MAPKAP1: variants seen among roughly 807,000 people sequenced by gnomAD.
MAPKAP1 encodes target of rapamycin complex 2 subunit MAPKAP1.
Under a neutral mutation model 65.7 loss-of-function variants are expected in MAPKAP1, and 20 were observed. The observed-to-expected ratio is 0.30, with a 90% CI of 0.21 to 0.44. MAPKAP1 has a LOEUF of 0.44. Among genes scored for constraint, MAPKAP1 ranks in the 20% least tolerant of loss-of-function variants. The pLI is 1.00. For synonymous variants in MAPKAP1, 222 were observed against 244.3 expected (o/e 0.91, Z 0.85); for missense variants, 423 against 648.0 (o/e 0.65, Z 3.77).
chr9:125,678,277 C>T (rs1195151066), intron 1 of MAPKAP1, among the ~76,000 whole-genome samples: 1 of 151,368 alleles, frequency 6.6e-6, no homozygotes, highest in Admixed American at 6.6e-5. Context: ...CAGAGTCTCG[C>T]TCTGTCACCC....
chr9:125,482,131 TAAA>T (rs1554808939), intron 9 of MAPKAP1, among the ~76,000 whole-genome samples: 3 of 99,112 alleles, frequency 3.0e-5, no homozygotes, highest in Non-Finnish European at 3.8e-5. Flanking sequence ...AAACTCTGTC[TAAA>T]AAAAAAAAAA....
chr9:125,636,631 C>CTGGTAGTATGAATTA, intron 4 of MAPKAP1, among the ~76,000 whole-genome samples: 1 of 152,312 alleles, frequency 6.6e-6, no homozygotes, highest in East Asian at 1.9e-4. Context: ...AGACCATTCA[C>CTGGTAGTATGAATTA]AACTAAAACA....
intron 4 of MAPKAP1, among the ~76,000 whole-genome samples, chr9:125,649,030 T>C (rs1418390580): frequency 6.6e-6 from 1 of 152,188 alleles, no homozygotes; most frequent in Non-Finnish European, 1.5e-5. Context: ...TAGGCTGTCA[T>C]TTGATTTCTC....
chr9:125,493,600 C>T (rs1488248489), intron 8 of MAPKAP1, among the ~76,000 whole-genome samples: 6 of 152,202 alleles, frequency 3.9e-5, no homozygotes, highest in Admixed American at 1.3e-4. Context: ...CTTGTATTTA[C>T]CTTGGCTAAC....
chr9:125,616,293 T>C (rs1011692756), intron 4 of MAPKAP1, among the ~76,000 whole-genome samples: 1 of 152,328 alleles, frequency 6.6e-6, no homozygotes, highest in Admixed American at 6.5e-5. Context: ...AATAACTTTA[T>C]AATCTTGAGG....
intron 3 of MAPKAP1, among the ~76,000 whole-genome samples, chr9:125,661,273 G>A (rs1834177215): frequency 6.6e-6 from 1 of 152,124 alleles, no homozygotes; most frequent in African/African-American, 2.4e-5. Context: ...ACGGAATTCG[G>A]AAGATCAAGG....
Position 125,506,428 on chromosome 9 carries a change from A to C in MAPKAP1, c.959-11T>G. 2 of 1,611,454 alleles carry C rather than the reference A, an allele frequency of 1.2e-6. No homozygotes were observed. Among genetic ancestry groups the C allele is most frequent in the Non-Finnish European group, 1.7e-6 (2 of 1,177,618 alleles). ...GGCGGTACTGAGGGCCTGGAAGATC[A>C]AAGGGGCAGGAGGAGGGGAGGAAGT... On this transcript the variant is annotated splice_polypyrimidine_tract_variant and intron_variant, in intron 7 of 11. Coordinates refer to ENST00000265960, the MANE Select transcript of MAPKAP1 (RefSeq NM_001006617.3).
chr9:125,450,606 A>G (rs191120247), intron 10 of MAPKAP1, among the ~76,000 whole-genome samples: 2 of 152,348 alleles, frequency 1.3e-5, no homozygotes, highest in African/African-American at 2.4e-5. Context: ...TGCCAGTACT[A>G]TAAATAAGGC....
chr9:125,594,855 C>T (rs1048525084), intron 4 of MAPKAP1, among the ~76,000 whole-genome samples: 1 of 152,142 alleles, frequency 6.6e-6, no homozygotes, highest in African/African-American at 2.4e-5. Flanking sequence ...ATGGACCCAC[C>T]GGACCTACCA....
chr9:125,556,785 C>T (rs1830747422), intron 6 of MAPKAP1, among the ~76,000 whole-genome samples: 1 of 152,142 alleles, frequency 6.6e-6, no homozygotes, highest in Admixed American at 6.5e-5. Flanking sequence ...TGTTCTGCAT[C>T]TGTAGGAGAA....
intron 4 of MAPKAP1, chr9:125,652,071 T>C: frequency 8.1e-7 from 1 of 1,230,790 alleles, no homozygotes; most frequent in Non-Finnish European, 1.1e-6. Flanking sequence ...AGGTGCCTTT[T>C]CCACTAAGGG....
intron 5 of MAPKAP1, among the ~76,000 whole-genome samples, chr9:125,581,692 T>G (rs1468025376): frequency 6.6e-6 from 1 of 152,230 alleles, no homozygotes; most frequent in Non-Finnish European, 1.5e-5. Context: ...TTTAATGAAG[T>G]CTAACTTGCT....
intron 10 of MAPKAP1, among the ~76,000 whole-genome samples, chr9:125,465,940 C>A (rs1716576671): frequency 6.6e-6 from 1 of 152,122 alleles, no homozygotes; most frequent in Non-Finnish European, 1.5e-5. Context: ...GGGAACAGCA[C>A]AGAATGCATC....
At chr9:125,514,764 G>C (rs566150579) in intron 7 of MAPKAP1, among the ~76,000 whole-genome samples, 1 of 152,294 alleles carries the variant, frequency 6.6e-6, no homozygotes, top group East Asian at 1.9e-4. Context: ...TGGCACTGCT[G>C]ACAATGGGCT....
At chr9:125,498,270 A>C (rs1828866069) in intron 8 of MAPKAP1, among the ~76,000 whole-genome samples, 1 of 152,236 alleles carries the variant, frequency 6.6e-6, no homozygotes, top group African/African-American at 2.4e-5. Flanking sequence ...ATAGCATATA[A>C]AGACAATTGT....
At chr9:125,699,377 T>G (rs993022248) in intron 1 of MAPKAP1, among the ~76,000 whole-genome samples, 3 of 151,780 alleles carry the variant, frequency 2.0e-5, no homozygotes, top group Admixed American at 1.3e-4. Flanking sequence ...CCAAGCTAAT[T>G]GTTTTGATTT....
At chr9:125,541,718 A>G (rs1436308435) in intron 7 of MAPKAP1, among the ~76,000 whole-genome samples, 1 of 152,222 alleles carries the variant, frequency 6.6e-6, no homozygotes, top group Non-Finnish European at 1.5e-5. Context: ...AGGTGTTTGG[A>G]AAAACCAGAA....
intron 1 of MAPKAP1, among the ~76,000 whole-genome samples, chr9:125,692,402 G>A (rs969566164): frequency 1.3e-5 from 2 of 152,104 alleles, no homozygotes; most frequent in African/African-American, 2.4e-5. Flanking sequence ...TATATCAAAG[G>A]CCACAAACTG....
rs544931883 is a variant in MAPKAP1 at position 125,571,579 on chromosome 9, A to G, written c.672-11770T>C. Reference sequence around the variant, plus strand: ...TTGCTTAAATGCTGCTGATCCGGCCAGGTGCAGTGGCTCATGCCTGTAATC... The same window carrying G: ...TTGCTTAAATGCTGCTGATCCGGCCGGGTGCAGTGGCTCATGCCTGTAATC... On this transcript the variant is annotated intron_variant, in intron 5 of 11. Coordinates refer to ENST00000265960, the MANE Select transcript of MAPKAP1 (RefSeq NM_001006617.3). Among the ~76,000 whole-genome samples the G allele has an allele frequency of 3.3e-5, 5 of 152,334 alleles. No individual in the cohort carries two copies. In the South Asian group the frequency reaches 6.2e-4, roughly 19 times the overall value.
Sources: gnomAD v4.1 joint callset for allele counts (sites outside exome capture counted in the v4.1 genomes callset) on GRCh38, gnomAD v4.1.1 for gene constraint, MANE v1.5 for transcripts, NCBI Gene and HGNC (gene_info 2026-07-23, HGNC 2026-07-21) for gene names.